The following CDC16 variants were observed in gnomAD, a reference collection of about 807,000 sequenced individuals.
The protein encoded by CDC16 is cell division cycle protein 16 homolog.
CDC16 carries 34 observed loss-of-function variants against 87.0 expected under a neutral mutation model. The ratio of observed to expected loss-of-function variants is 0.39; its 90% confidence interval spans 0.30 to 0.52. The LOEUF (loss-of-function observed/expected upper bound fraction) is 0.52, where lower values mean the gene tolerates loss of function less well. Among genes scored for constraint, CDC16 ranks in the 20% least tolerant of loss-of-function variants. CDC16 has a pLI of 0.74. For missense variants in CDC16, 653 were observed against 751.9 expected, an observed-to-expected ratio of 0.87 and a Z score of 1.54; for synonymous variants, 263 against 260.6, an observed-to-expected ratio of 1.01 and a Z score of -0.09.
chr13:114,237,751 G>A (rs1193507690), intron 3 of CDC16, among the ~76,000 whole-genome samples: 6 of 152,026 alleles, frequency 3.9e-5, no homozygotes, highest in Admixed American at 3.9e-4. Flanking sequence ...TACGTGTCAG[G>A]CCTTTGATTT....
rs540599203 is a variant in CDC16, at chr13:114,241,375, C to G, written c.382-746C>G. ...GGGTTTGAACTCAGGTCTGTGCTGCCTCAGCAGGCCATTGTGCTGACTGCT... is the reference window on the plus strand; with the variant it reads ...GGGTTTGAACTCAGGTCTGTGCTGCGTCAGCAGGCCATTGTGCTGACTGCT... On this transcript the variant is annotated intron_variant, in intron 5 of 17. Transcript: ENST00000356221. Among the ~76,000 whole-genome samples, 26 of 152,312 alleles carry G rather than the reference C, an allele frequency of 1.7e-4. 1 individual carries two copies. The East Asian group carries it at 4.6e-3, about 27-fold the overall frequency.
intron 3 of CDC16, among the ~76,000 whole-genome samples, chr13:114,237,476 G>A (rs2081313885): frequency 6.6e-6 from 1 of 151,958 alleles, no homozygotes; most frequent in Non-Finnish European, 1.5e-5. Flanking sequence ...TTTTTTGGTA[G>A]AGACAGAGCC....
chr13:114,249,721 TTAAAATA>T (rs2082063141), intron 11 of CDC16, among the ~76,000 whole-genome samples: 1 of 152,200 alleles, frequency 6.6e-6, no homozygotes, highest in South Asian at 2.1e-4. Context: ...ATACCTGTCT[TTAAAATA>T]TAAATGAATT....
intron 12 of CDC16, among the ~76,000 whole-genome samples, chr13:114,254,917 C>T (rs2082404944): frequency 6.6e-6 from 1 of 152,172 alleles, no homozygotes; most frequent in African/African-American, 2.4e-5. Context: ...CTCTCTGAAG[C>T]CTGCTACCTG....
chr13:114,267,323 A>G (rs977701530), intron 17 of CDC16, among the ~76,000 whole-genome samples: 3 of 147,130 alleles, frequency 2.0e-5, no homozygotes, highest in Admixed American at 2.0e-4. Context: ...CCCTGCCCCT[A>G]CTAAAAAACA....
chr13:114,245,184 G>C (rs899223492), intron 9 of CDC16, among the ~76,000 whole-genome samples: 4 of 151,594 alleles, frequency 2.6e-5, no homozygotes, highest in African/African-American at 9.7e-5. Flanking sequence ...CTTTATCACT[G>C]CTTCCTACTA....
In CDC16 at chr13:114,256,829, G is replaced by GT. The variant is rs575306308; in HGVS notation, c.1098-242dup. On this transcript the variant is annotated intron_variant, in intron 12 of 17. Transcript: ENST00000356221. ...TGCCCTTTTGCTTTAGAGAGTTTTT[G>GT]TTTTTTTACTGTGGAATAATAATGA... 4.0e-4 allele frequency among the ~76,000 whole-genome samples: 61 copies of GT among 152,090 alleles called. No homozygotes were observed. The East Asian group carries it at 8.7e-3, about 22-fold the overall frequency.
chr13:114,266,947 C>T (rs547029066), intron 17 of CDC16, among the ~76,000 whole-genome samples: 13 of 152,116 alleles, frequency 8.5e-5, no homozygotes, highest in South Asian at 2.1e-4. Flanking sequence ...CCGCCCTCCT[C>T]GGCCTCCCAA....
At chr13:114,241,134 G>A (rs1385831735) in intron 5 of CDC16, among the ~76,000 whole-genome samples, 2 of 152,174 alleles carry the variant, frequency 1.3e-5, no homozygotes, top group African/African-American at 4.8e-5. Context: ...ACATCTTCGT[G>A]TTTATGGTAG....
Position 114,234,907 on chromosome 13 carries a change from G to C in CDC16, c.-178G>C, listed in dbSNP as rs17337703. On this transcript the variant is annotated 5_prime_UTR_variant, in exon 1 of 18. Coordinates refer to ENST00000356221, the MANE Select transcript of CDC16 (RefSeq NM_001078645.3). ...CGGAAGAGCCTGGGCAGTGCACGGG[G>C]CCTGGGTGGGGGGTGCGGGTGTGGG... is the stretch of plus-strand genomic sequence containing the variant. 5.1e-6 allele frequency: 2 copies of C among 394,942 alleles called. No homozygotes were observed. The highest frequency in any genetic ancestry group is 4.2e-5 in the African/African-American group (2 of 47,562). The allele number at this position is 394,942 out of a possible 1,614,324, so 24.5% of individuals were successfully genotyped here. A position where few individuals can be genotyped will look rare whatever the true frequency, so the allele number is the denominator to read the frequency against.
intron 12 of CDC16, among the ~76,000 whole-genome samples, chr13:114,254,882 TAAG>T (rs1451197307): frequency 1.3e-5 from 2 of 152,208 alleles, no homozygotes; most frequent in Admixed American, 6.5e-5. Context: ...TTCAGTCTGA[TAAG>T]AAGAAACACT....
In CDC16 at chr13:114,236,910, T is replaced by C; in HGVS notation, c.201+14T>C. ...AAACTGGACAAAGTAAGTGATGGTA[T>C]GAACTTTAAAGCTCTTCAGAGCTTT... On this transcript the variant is annotated intron_variant, in intron 3 of 17. Coordinates refer to ENST00000356221, the MANE Select transcript of CDC16 (RefSeq NM_001078645.3). The C allele has an allele frequency of 6.5e-7, 1 of 1,532,580 alleles. No individual in the cohort carries two copies. Among genetic ancestry groups the C allele is most frequent in the South Asian group, 1.2e-5 (1 of 83,814 alleles). 94.9% of individuals were successfully genotyped at this position (1,532,580 alleles called of 1,614,324 possible).
chr13:114,268,862 C>T (rs2139204935), intron 17 of CDC16, among the ~76,000 whole-genome samples: 1 of 152,256 alleles, frequency 6.6e-6, no homozygotes, highest in African/African-American at 2.4e-5. Flanking sequence ...CCAGTACACA[C>T]CCACCAGAAT....
chr13:114,259,323 CT>C lies in CDC16; in HGVS notation c.1251-9del. On this transcript the variant is annotated splice_polypyrimidine_tract_variant and intron_variant, in intron 13 of 17. Transcript: ENST00000356221. ...TTCGAATAATCTGCAACCTTTTTTC[CT>C]TTCATTTTAGATGGAAAACAGCCGA... is the stretch of plus-strand genomic sequence containing the variant. 6.4e-7 allele frequency: 1 copy of C among 1,559,810 alleles called. No homozygotes were observed. The highest frequency in any genetic ancestry group is 8.6e-7 in the Non-Finnish European group (1 of 1,163,784).
chr13:114,258,464 T>G (rs1182187553), intron 13 of CDC16, among the ~76,000 whole-genome samples: 1 of 152,232 alleles, frequency 6.6e-6, no homozygotes, highest in African/African-American at 2.4e-5. Context: ...TGCTTTTTGT[T>G]GATGATTTCA....
chr13:114,271,200 C>A (rs535748283), intron 17 of CDC16, among the ~76,000 whole-genome samples: 1 of 151,842 alleles, frequency 6.6e-6, no homozygotes, highest in African/African-American at 2.4e-5. Context: ...GGATTACAGG[C>A]GTGAGCCATC....
At chr13:114,243,435 A>G in intron 7 of CDC16, 87 bp downstream of exon 7, 4 of 690,392 alleles carry the variant, frequency 5.8e-6, no homozygotes, top group Non-Finnish European at 1.0e-5. Flanking sequence ...TAAGTTTTCA[A>G]AATTAAAACT....
Position 114,246,034 on chromosome 13 carries a change from A to G in CDC16, c.882A>G (p.Leu294=). The change falls in exon 10 of 18, where the codon TTA becomes TTG. Residue 294 remains leucine (L), a synonymous_variant. Transcript: ENST00000356221. ...ATCTTTCTCATAAACTGGTGGATTT[A>G]TATCCTAGTAATCCTGTAAGTAATA... ...LFYLSHKLVD[L]YPSNPVSWFA... is the part of the protein sequence containing the mutation. 1 of 1,481,170 alleles carries G rather than the reference A, an allele frequency of 6.8e-7. No homozygotes were observed. The highest frequency in any genetic ancestry group is 1.2e-5 in the South Asian group (1 of 82,944). 91.8% of individuals were successfully genotyped at this position (1,481,170 alleles called of 1,614,324 possible).
Position 114,235,045 on chromosome 13 carries a change from C to T in CDC16, c.-40C>T, listed in dbSNP as rs766231963. The T allele has an allele frequency of 2.5e-5, 31 of 1,246,484 alleles. No homozygotes were observed. The South Asian group carries it at 5.5e-4, about 22-fold the overall frequency. 77.2% of individuals were successfully genotyped at this position (1,246,484 alleles called of 1,614,324 possible). On this transcript the variant is annotated 5_prime_UTR_variant, in exon 1 of 18. Transcript: ENST00000356221. ...TGCTTAGGGTGCAGGAGGCGCGCGC[C>T]TAGCGGCGGAGTGTGGCGTGAGGCC...
Sources: allele counts gnomAD v4.1 joint callset (sites outside exome capture counted in the v4.1 genomes callset), GRCh38; gene constraint gnomAD v4.1.1; transcripts MANE v1.5; gene names NCBI Gene and HGNC (gene_info 2026-07-23, HGNC 2026-07-21).